The following ACADL variants were observed in gnomAD, a reference collection of about 807,000 sequenced individuals.
ACADL encodes long-chain specific acyl-CoA dehydrogenase, mitochondrial.
A neutral mutation model predicts 56.9 loss-of-function variants in ACADL; 60 were observed. The observed-to-expected ratio is 1.05, with a 90% CI of 0.86 to 1.31. The LOEUF (loss-of-function observed/expected upper bound fraction) is 1.31. Ranked by LOEUF, ACADL falls within the 50% of genes most tolerant of loss-of-function variation. The pLI, the probability that ACADL is intolerant of heterozygous loss-of-function variation, is 0.00. For missense variants in ACADL, 484 were observed against 525.5 expected, an observed-to-expected ratio of 0.92 and a Z score of 0.77; for synonymous variants, 158 against 179.7, an observed-to-expected ratio of 0.88 and a Z score of 0.97.
chr2:210,210,700 C>T (rs545424396), intron 4 of ACADL, among the ~76,000 whole-genome samples: 1 of 152,256 alleles, frequency 6.6e-6, no homozygotes, highest in African/African-American at 2.4e-5. Flanking sequence ...AATCCCAGCA[C>T]CTTGGGATAC....
At chr2:210,189,128 C>T (rs994651259) in intron 10 of ACADL, 74 bp from the exon 11 acceptor site, 1 of 1,040,132 alleles carries the variant, frequency 9.6e-7, no homozygotes, top group South Asian at 1.3e-5. Flanking sequence ...CCAGGTAACT[C>T]ATAAACTATT....
rs1559641173 is a variant in ACADL at position 210,217,971 on chromosome 2, T to A, written c.365A>T (p.Glu122Val). Residue 122 changes from glutamate (E) to valine (V), a missense_variant, in exon 3 of 11, where the codon GAG becomes GTG. Physicochemically the swap from Glu to Val is moderately radical, Grantham distance 121. Coordinates refer to ENST00000233710, the MANE Select transcript of ACADL (RefSeq NM_001608.4). ...TAAAAGTCTCCATACTTACTGCTCC[T>A]CCCAGACAATAGCTGCGGAGTACAG... ...GDLYSAAIVW[E>V]EQAYSNCSGP... 1.5e-5 allele frequency: 25 copies of A among 1,614,022 alleles called. No individual in the cohort carries two copies. Among genetic ancestry groups the A allele is most frequent in the Non-Finnish European group, 2.0e-5 (24 of 1,179,964 alleles).
chr2:210,220,297 T>C (rs145924979), intron 2 of ACADL, among the ~76,000 whole-genome samples: 33 of 152,310 alleles, frequency 2.2e-4, no homozygotes, highest in Non-Finnish European at 3.4e-4. Flanking sequence ...AAGGTTTGCA[T>C]TGTGCTGACT....
chr2:210,225,007 C>T (rs1689245348), intron 1 of ACADL, 180 bp downstream of exon 1: 1 of 985,316 alleles, frequency 1.0e-6, no homozygotes, highest in African/African-American at 1.7e-5. Flanking sequence ...CGCCCAGATG[C>T]TGGTTGCACC....
At chr2:210,200,808 T>C (rs368809596) in intron 8 of ACADL, among the ~76,000 whole-genome samples, 8 of 152,198 alleles carry the variant, frequency 5.3e-5, no homozygotes, top group East Asian at 1.9e-4. Flanking sequence ...AGGAAGTAGA[T>C]GGTAAAAAGG....
chr2:210,197,699 CA>C (rs1418057970), intron 8 of ACADL, among the ~76,000 whole-genome samples: 2 of 152,112 alleles, frequency 1.3e-5, no homozygotes, highest in Non-Finnish European at 1.5e-5. Context: ...GGAATTTATG[CA>C]CTGTCTTTAC....
intron 2 of ACADL, among the ~76,000 whole-genome samples, chr2:210,218,857 G>T (rs966562325): frequency 1.3e-5 from 2 of 152,108 alleles, no homozygotes; most frequent in African/African-American, 4.8e-5. Context: ...TAAATAGGAA[G>T]AACAGGAGAG....
chr2:210,192,908 A>G lies in ACADL; in HGVS notation c.1113-18T>C, dbSNP rs1688658071. 1 of 1,592,358 alleles carries G rather than the reference A, an allele frequency of 6.3e-7. No homozygotes were observed. Among genetic ancestry groups the G allele is most frequent in the East Asian group, 2.2e-5 (1 of 44,674 alleles). On this transcript the variant is annotated intron_variant, in intron 9 of 10. Coordinates refer to ENST00000233710, the MANE Select transcript of ACADL (RefSeq NM_001608.4). ...CAGATGCCCTAAATGACCAAAATAA[A>G]AGGCAGAAAAGAAATGTTTGAAATG...
intron 4 of ACADL, among the ~76,000 whole-genome samples, chr2:210,210,772 T>A (rs780997106): frequency 3.3e-5 from 5 of 152,096 alleles, no homozygotes; most frequent in Non-Finnish European, 7.4e-5. Context: ...AAAGCTAGAC[T>A]CTATCTCTAC....
chr2:210,188,961 C>T lies in ACADL; in HGVS notation c.1293G>A (p.Ter431=). Residue 431 remains the stop codon, a stop_retained_variant, in exon 11 of 11, where the codon TAG becomes TAA. Transcript: ENST00000233710. ...AGGACTCCAGGATGTGGGCAGATGT[C>T]TACTTGTCAAAGACAATCTCTCTTG... ...LIAREIVFDK[*] The T allele has an allele frequency of 6.2e-7, 1 of 1,608,386 alleles. No homozygotes were observed. Among genetic ancestry groups the T allele is most frequent in the Non-Finnish European group, 8.5e-7 (1 of 1,174,998 alleles).
At chr2:210,196,436 G>T (rs1179656267) in intron 8 of ACADL, among the ~76,000 whole-genome samples, 1 of 151,940 alleles carries the variant, frequency 6.6e-6, no homozygotes, top group Non-Finnish European at 1.5e-5. Flanking sequence ...CCTCCTACTG[G>T]CCATGGACAA....
chr2:210,216,908 A>G (rs963201059), intron 3 of ACADL, among the ~76,000 whole-genome samples: 6 of 152,026 alleles, frequency 3.9e-5, no homozygotes, highest in Non-Finnish European at 8.8e-5. Flanking sequence ...TAAAAAAGCA[A>G]AAAATAGAAA....
intron 6 of ACADL, among the ~76,000 whole-genome samples, chr2:210,205,200 A>T (rs1368128400): frequency 6.6e-6 from 1 of 151,752 alleles, no homozygotes; most frequent in Non-Finnish European, 1.5e-5. Context: ...CTAATTTTTT[A>T]TTATTAGTAG....
chr2:210,197,089 G>A lies in ACADL; in HGVS notation c.985-1751C>T, dbSNP rs538331988. ...TGTAAAAAGACCCAGGACCAAGCAA[G>A]ACCAGGGTGTATCAGGTGGAGTAAA... On this transcript the variant is annotated intron_variant, in intron 8 of 10. Coordinates refer to ENST00000233710, the MANE Select transcript of ACADL (RefSeq NM_001608.4). Among the ~76,000 whole-genome samples, 3 of 152,322 alleles carry A rather than the reference G, an allele frequency of 2.0e-5. No homozygotes were observed. The South Asian group carries it at 6.2e-4, about 32-fold the overall frequency.
intron 1 of ACADL, among the ~76,000 whole-genome samples, chr2:210,221,287 C>T (rs1346865834): frequency 6.6e-6 from 1 of 152,072 alleles, no homozygotes; most frequent in African/African-American, 2.4e-5. Flanking sequence ...GATGTAATCG[C>T]CACATTACAA....
intron 2 of ACADL, chr2:210,218,481 CTTA>C (rs1401688417): frequency 4.3e-6 from 1 of 233,312 alleles, no homozygotes; most frequent in East Asian, 1.2e-4. Flanking sequence ...GAGACGGGGT[CTTA>C]TTATGTTGCC....
At position 210,220,680 on chromosome 2, in the gene ACADL, A is replaced by G. The variant is rs781200311; in HGVS notation, c.200T>C (p.Phe67Ser). 1 of 1,613,496 alleles carries G rather than the reference A, an allele frequency of 6.2e-7. No homozygotes were observed. The highest frequency in any genetic ancestry group is 8.5e-7 in the Non-Finnish European group (1 of 1,179,742). ...HDIFRKSVRK[F>S]FQEEVIPHHS... ...ATGAGGAATCACTTCTTCTTGGAAAAACTTCCTTACACTTTTCCGGAAAAT... is the reference window on the plus strand; with the variant it reads ...ATGAGGAATCACTTCTTCTTGGAAAGACTTCCTTACACTTTTCCGGAAAAT... The change falls in exon 2 of 11, where the codon TTT (phenylalanine) becomes TCT (serine). Residue 67 changes from phenylalanine to serine, a missense_variant. Physicochemically the swap from Phe to Ser is radical, Grantham distance 155. Coordinates refer to ENST00000233710, the MANE Select transcript of ACADL (RefSeq NM_001608.4).
chr2:210,190,967 A>C (rs1688624158), intron 10 of ACADL, among the ~76,000 whole-genome samples: 1 of 144,890 alleles, frequency 6.9e-6, no homozygotes, highest in African/African-American at 2.5e-5. Flanking sequence ...CCCAGGCTGG[A>C]GTGCAGTGGC....
At chr2:210,191,283 T>A (rs562299965) in intron 10 of ACADL, among the ~76,000 whole-genome samples, 2 of 152,178 alleles carry the variant, frequency 1.3e-5, no homozygotes, top group Admixed American at 6.5e-5. Flanking sequence ...ATTGATACAA[T>A]CTTTGAACTA....
Sources: allele counts gnomAD v4.1 joint callset (sites outside exome capture counted in the v4.1 genomes callset), GRCh38; gene constraint gnomAD v4.1.1; transcripts MANE v1.5; gene names NCBI Gene and HGNC (gene_info 2026-07-23, HGNC 2026-07-21).